The following PYROXD1 variants were observed in gnomAD, a reference collection of about 807,000 sequenced individuals.
PYROXD1 encodes the protein tRNA ligase complex-associated NAD(P)H dehydrogenase PYROXD1.
A neutral mutation model predicts 62.0 loss-of-function variants in PYROXD1; 42 were observed. The observed-to-expected ratio is 0.68, with a 90% CI of 0.53 to 0.88. PYROXD1 has a LOEUF of 0.88. Ranked by LOEUF, PYROXD1 falls within the 40% of genes least tolerant of loss-of-function variation. PYROXD1 has a pLI of 0.00. For missense variants in PYROXD1, 493 were observed against 604.8 expected (o/e 0.82, Z 1.94); for synonymous variants, 170 against 206.4 (o/e 0.82, Z 1.51).
At chr12:21,450,885 A>C (rs7303408) in intron 4 of PYROXD1, among the ~76,000 whole-genome samples, 75,066 of 151,918 alleles carry the variant, frequency 0.49, 18,581 homozygotes, top group Middle Eastern at 0.59. Flanking sequence ...ATTACTCCCA[A>C]TTTACAAATA....
At chr12:21,447,981 T>TAA (rs34838731) in intron 3 of PYROXD1, 3,964 of 273,608 alleles carry the variant, frequency 0.014, 1 homozygote, top group South Asian at 0.019. Flanking sequence ...AGACTCCATC[T>TAA]AAAAAAAAAA....
At chr12:21,465,688 A>G (rs1184442068) in intron 10 of PYROXD1, among the ~76,000 whole-genome samples, 53 of 151,354 alleles carry the variant, frequency 3.5e-4, no homozygotes, top group African/African-American at 1.3e-3. Context: ...CCATTTGTTA[A>G]TTTTGACTTT....
chr12:21,460,997 A>T, intron 7 of PYROXD1, 28 bp from the exon 8 acceptor site: 1 of 1,429,120 alleles, frequency 7.0e-7, no homozygotes, highest in Non-Finnish European at 9.5e-7. Flanking sequence ...TGTAAGTATT[A>T]TGCTAACCAG....
intron 7 of PYROXD1, chr12:21,457,057 A>G (rs114451286): frequency 3.5e-5 from 11 of 310,016 alleles, no homozygotes; most frequent in African/African-American, 2.4e-4. Flanking sequence ...CTCCATTGAA[A>G]TCTTGAATCC....
At chr12:21,450,525 C>T (rs548390236) in intron 4 of PYROXD1, among the ~76,000 whole-genome samples, 110 of 152,210 alleles carry the variant, frequency 7.2e-4, no homozygotes, top group Non-Finnish European at 1.5e-3. Context: ...GTTTTTGGAG[C>T]ATTATACAAA....
At position 21,470,300 on chromosome 12, in the gene PYROXD1, A is replaced by G; in HGVS notation, c.*1546A>G. ...GAAGTTGCCTGAATTTTTTTCCTCC[A>G]TCTTTTTATCACCTTGTTCAGAATG... On this transcript the variant is annotated 3_prime_UTR_variant, in exon 12 of 12. Coordinates refer to ENST00000240651, the MANE Select transcript of PYROXD1 (RefSeq NM_024854.5). 6.3e-7 allele frequency: 1 copy of G among 1,590,588 alleles called. No individual in the cohort carries two copies. Among genetic ancestry groups the G allele is most frequent in the Non-Finnish European group, 8.5e-7 (1 of 1,171,234 alleles).
chr12:21,451,692 C>CATTCT (rs1193067834), intron 4 of PYROXD1, among the ~76,000 whole-genome samples: 1 of 110,280 alleles, frequency 9.1e-6, no homozygotes, highest in Non-Finnish European at 2.0e-5. Flanking sequence ...CTTCTCATTC[C>CATTCT]TAGAAGTTTT....
chr12:21,443,314 A>G (rs1445074834), intron 2 of PYROXD1, among the ~76,000 whole-genome samples: 1 of 152,188 alleles, frequency 6.6e-6, no homozygotes, highest in African/African-American at 2.4e-5. Context: ...TAAAATGGGT[A>G]CAAATATACA....
At chr12:21,462,268 T>C in intron 9 of PYROXD1, 148 bp downstream of exon 9, 1 of 592,926 alleles carries the variant, frequency 1.7e-6, no homozygotes, top group Non-Finnish European at 3.0e-6. Flanking sequence ...ATTGTCTTGA[T>C]TTACAGTATT....
At chr12:21,447,167 A>G (rs1942405835) in intron 3 of PYROXD1, among the ~76,000 whole-genome samples, 1 of 152,178 alleles carries the variant, frequency 6.6e-6, no homozygotes, top group Admixed American at 6.5e-5. Flanking sequence ...TTGTTTCTAT[A>G]AGCAGTTCTA....
At chr12:21,463,010 A>C in intron 10 of PYROXD1, 148 bp downstream of exon 10, 1 of 670,610 alleles carries the variant, frequency 1.5e-6, no homozygotes, top group Non-Finnish European at 2.3e-6. Context: ...TAAAAAAAAA[A>C]CTAGAATATT....
At chr12:21,466,459 C>G (rs1268553918) in intron 10 of PYROXD1, among the ~76,000 whole-genome samples, 5 of 151,514 alleles carry the variant, frequency 3.3e-5, no homozygotes, top group Non-Finnish European at 7.4e-5. Flanking sequence ...CATGATTTGG[C>G]TCTGTTTGTC....
rs75806707 is a variant in PYROXD1, at chr12:21,442,517, T to C, written c.165+2069T>C. Among the ~76,000 whole-genome samples, 858 of 152,282 alleles carry C rather than the reference T, an allele frequency of 5.6e-3. 3 individuals are homozygous for C. The highest frequency in any genetic ancestry group is 0.011 in the Non-Finnish European group (729 of 68,024). On this transcript the variant is annotated intron_variant, in intron 2 of 11. Transcript: ENST00000240651. ...CCCCAAAGTGCAAACTAGCTTACTA[T>C]GGTGATGGCTCTGGTGTCTGAGATG...
chr12:21,460,224 C>T (rs1185787883), intron 7 of PYROXD1, among the ~76,000 whole-genome samples: 1 of 116,074 alleles, frequency 8.6e-6, no homozygotes, highest in African/African-American at 3.2e-5. Context: ...CTTGCACCTT[C>T]AGATCCTAAT....
At chr12:21,457,317 C>T (rs577180173) in intron 7 of PYROXD1, among the ~76,000 whole-genome samples, 2 of 152,214 alleles carry the variant, frequency 1.3e-5, no homozygotes, top group South Asian at 4.1e-4. Flanking sequence ...CCATGGGCTG[C>T]AGAATGGATA....
intron 9 of PYROXD1, 103 bp from the exon 10 acceptor site, chr12:21,462,634 AGAT>A (rs1942719823): frequency 1.6e-6 from 2 of 1,275,336 alleles, no homozygotes; most frequent in Admixed American, 3.9e-5. Context: ...TTCTCATTAA[AGAT>A]GAGCATGCAA....
intron 8 of PYROXD1, 50 bp from the exon 9 acceptor site, chr12:21,461,958 T>C (rs770536157): frequency 1.8e-6 from 2 of 1,097,706 alleles, no homozygotes; most frequent in Middle Eastern, 3.0e-4. Context: ...GCTGTGGTGA[T>C]GGTTCCATTT....
At chr12:21,464,900 A>G (rs1360426513) in intron 10 of PYROXD1, among the ~76,000 whole-genome samples, 1 of 152,138 alleles carries the variant, frequency 6.6e-6, no homozygotes, top group African/African-American at 2.4e-5. Context: ...GTTCCCACCT[A>G]TGAGTGAGAA....
At chr12:21,465,545 C>A (rs1370099175) in intron 10 of PYROXD1, among the ~76,000 whole-genome samples, 1 of 151,122 alleles carries the variant, frequency 6.6e-6, no homozygotes, top group Non-Finnish European at 1.5e-5. Context: ...TGTTTGAGTT[C>A]ATTGTAGATT....
Sources: allele counts gnomAD v4.1 joint callset (sites outside exome capture counted in the v4.1 genomes callset), GRCh38; gene constraint gnomAD v4.1.1; transcripts MANE v1.5; gene names NCBI Gene and HGNC (gene_info 2026-07-23, HGNC 2026-07-21).